GSK3B: variants seen among roughly 807,000 people sequenced by gnomAD.
The protein encoded by GSK3B is glycogen synthase kinase 3 beta.
A neutral mutation model predicts 56.4 loss-of-function variants in GSK3B; 15 were observed. The ratio of observed to expected loss-of-function variants is 0.27; its 90% CI spans 0.18 to 0.41. The LOEUF (loss-of-function observed/expected upper bound fraction) is 0.41, where lower values mean the gene tolerates loss of function less well. Ranked by LOEUF, GSK3B falls within the 10% of genes least tolerant of loss-of-function variation. GSK3B has a pLI of 1.00. For synonymous variants in GSK3B, 181 were observed against 188.9 expected (o/e 0.96, Z 0.34); for missense variants, 300 against 513.4 (o/e 0.58, Z 4.02).
chr3:119,901,988 A>C (rs1474935930), intron 7 of GSK3B, among the ~76,000 whole-genome samples: 1 of 88,338 alleles, frequency 1.1e-5, no homozygotes, highest in Non-Finnish European at 2.2e-5. Flanking sequence ...AAAGAAAATG[A>C]AAAGAAAGCA....
chr3:119,885,820 T>C (rs1345830977), intron 7 of GSK3B, among the ~76,000 whole-genome samples: 1 of 152,094 alleles, frequency 6.6e-6, no homozygotes, highest in African/African-American at 2.4e-5. Flanking sequence ...ATTCAATAAA[T>C]GGTGCTGGGA....
chr3:120,020,784 G>A (rs994560076), intron 1 of GSK3B, among the ~76,000 whole-genome samples: 1 of 152,196 alleles, frequency 6.6e-6, no homozygotes, highest in Admixed American at 6.5e-5. Flanking sequence ...GCCCAGATAG[G>A]CTGAAAGCTA....
intron 2 of GSK3B, among the ~76,000 whole-genome samples, chr3:119,950,058 G>GA (rs923354056): frequency 9.2e-5 from 14 of 151,518 alleles, no homozygotes; most frequent in Non-Finnish European, 1.8e-4. Context: ...AGTTCATACA[G>GA]AAAAAAAATT....
chr3:119,963,200 T>C (rs893181925), intron 2 of GSK3B, among the ~76,000 whole-genome samples: 1 of 152,198 alleles, frequency 6.6e-6, no homozygotes, highest in Non-Finnish European at 1.5e-5. Flanking sequence ...TTAAGGCAGA[T>C]ACAAATAGAT....
chr3:119,885,133 T>C (rs887910529), intron 7 of GSK3B, among the ~76,000 whole-genome samples: 1 of 151,994 alleles, frequency 6.6e-6, no homozygotes, highest in Non-Finnish European at 1.5e-5. Context: ...AACTGATAAA[T>C]GCCTTCAGTA....
In GSK3B at chr3:119,983,533, A is replaced by G. The variant is rs558827883; in HGVS notation, c.282+18513T>C. On this transcript the variant is annotated intron_variant, in intron 2 of 10. Transcript: ENST00000264235. ...AAGATTTACCAAGCAAATGGAGAGA[A>G]AAAAAAAAAAGCAGGGGTTGCAATC... Among the ~76,000 whole-genome samples the G allele has an allele frequency of 1.9e-3, 279 of 144,790 alleles. 2 individuals carry two copies. The highest frequency in any genetic ancestry group is 6.8e-3 in the African/African-American group (251 of 37,004). 95.0% of individuals were successfully genotyped at this position (144,790 alleles called of 152,430 possible).
chr3:119,938,730 C>T (rs1326966606), intron 3 of GSK3B, among the ~76,000 whole-genome samples: 1 of 151,936 alleles, frequency 6.6e-6, no homozygotes, highest in South Asian at 2.1e-4. Context: ...GAAAATAATT[C>T]CTTTACAATA....
chr3:120,045,856 A>T (rs1474938774), intron 1 of GSK3B, among the ~76,000 whole-genome samples: 1 of 152,200 alleles, frequency 6.6e-6, no homozygotes, highest in Non-Finnish European at 1.5e-5. Context: ...GTAAGCAGCT[A>T]AAAAAATTGT....
chr3:119,862,088 TC>T (rs1229339850), intron 9 of GSK3B, among the ~76,000 whole-genome samples: 1 of 143,998 alleles, frequency 6.9e-6, no homozygotes, highest in African/African-American at 2.9e-5. Context: ...ATAAAAGTCT[TC>T]TTTTTTTTTT....
intron 8 of GSK3B, among the ~76,000 whole-genome samples, chr3:119,866,069 G>A (rs1441198680): frequency 6.6e-6 from 1 of 151,854 alleles, no homozygotes; most frequent in Admixed American, 6.6e-5. Flanking sequence ...AATTACGTGG[G>A]GTCAAAACCC....
At chr3:120,039,761 C>T (rs746561253) in intron 1 of GSK3B, among the ~76,000 whole-genome samples, 2 of 152,196 alleles carry the variant, frequency 1.3e-5, no homozygotes, top group Non-Finnish European at 2.9e-5. Flanking sequence ...GATAAAAACC[C>T]CTTCTCTCCT....
At chr3:120,038,770 T>C (rs2058042114) in intron 1 of GSK3B, among the ~76,000 whole-genome samples, 1 of 151,732 alleles carries the variant, frequency 6.6e-6, no homozygotes, top group East Asian at 1.9e-4. Context: ...CCAAGTAACC[T>C]TTGGTTTGAC....
chr3:120,008,809 C>T (rs1204704467), intron 1 of GSK3B, among the ~76,000 whole-genome samples: 1 of 152,190 alleles, frequency 6.6e-6, no homozygotes, highest in African/African-American at 2.4e-5. Flanking sequence ...GCAAAGACTT[C>T]ATGTCTAAAA....
chr3:119,917,359 T>G (rs1443983243), intron 4 of GSK3B, among the ~76,000 whole-genome samples: 1 of 152,158 alleles, frequency 6.6e-6, no homozygotes, highest in Admixed American at 6.5e-5. Context: ...TGAAGCAAGA[T>G]GTAAACTGTA....
At chr3:120,053,283 G>A (rs2058165684) in intron 1 of GSK3B, among the ~76,000 whole-genome samples, 2 of 152,208 alleles carry the variant, frequency 1.3e-5, no homozygotes, top group Non-Finnish European at 2.9e-5. Context: ...GTTGTGGTGA[G>A]CCCAGATCGC....
chr3:120,057,219 T>C (rs2058198632), intron 1 of GSK3B, among the ~76,000 whole-genome samples: 1 of 152,164 alleles, frequency 6.6e-6, no homozygotes, highest in South Asian at 2.1e-4. Flanking sequence ...TTAAAAGTGG[T>C]TAAATCAACA....
intron 1 of GSK3B, among the ~76,000 whole-genome samples, chr3:120,083,478 T>C (rs1252176734): frequency 6.6e-6 from 1 of 151,844 alleles, no homozygotes; most frequent in Admixed American, 6.6e-5. Context: ...GGGGGAAGAA[T>C]TGAGATTATA....
chr3:119,997,277 A>C (rs2057628436), intron 2 of GSK3B, among the ~76,000 whole-genome samples: 1 of 152,216 alleles, frequency 6.6e-6, no homozygotes, highest in South Asian at 2.1e-4. Context: ...CAAATGCCTA[A>C]AACAAGACAT....
intron 1 of GSK3B, among the ~76,000 whole-genome samples, chr3:120,009,735 T>A (rs909694333): frequency 6.6e-6 from 1 of 152,084 alleles, no homozygotes; most frequent in African/African-American, 2.4e-5. Flanking sequence ...AAATACCTAA[T>A]GTAGATGACG....
Sources: gnomAD v4.1 joint callset for allele counts (sites outside exome capture counted in the v4.1 genomes callset) on GRCh38, gnomAD v4.1.1 for gene constraint, MANE v1.5 for transcripts, NCBI Gene and HGNC (gene_info 2026-07-23, HGNC 2026-07-21) for gene names.